CECR2: variants seen among roughly 807,000 people sequenced by gnomAD.
The protein encoded by CECR2 is CECR2 histone acetyl-lysine reader.
A neutral mutation model predicts 154.5 loss-of-function variants in CECR2; 30 were observed. That is an observed-to-expected ratio of 0.19 (90% CI 0.15 to 0.26). The LOEUF (loss-of-function observed/expected upper bound fraction) is 0.26, where lower values mean the gene tolerates loss of function less well. Among genes scored for constraint, CECR2 ranks in the 10% least tolerant of loss-of-function variants. CECR2 has a pLI of 1.00. For synonymous variants in CECR2, 725 were observed against 683.7 expected (o/e 1.06, Z -0.94); for missense variants, 1,743 against 1,829.3 (o/e 0.95, Z 0.86).
intron 1 of CECR2, among the ~76,000 whole-genome samples, chr22:17,475,185 G>A (rs2055188910): frequency 6.6e-6 from 1 of 152,200 alleles, no homozygotes; most frequent in Admixed American, 6.5e-5. Context: ...AAGAACTGCA[G>A]TACAGTTCAG....
chr22:17,437,224 A>G (rs2054519591), intron 1 of CECR2, among the ~76,000 whole-genome samples: 1 of 151,984 alleles, frequency 6.6e-6, no homozygotes, highest in Non-Finnish European at 1.5e-5. Context: ...CTCCTAAATT[A>G]GATACATTCC....
At chr22:17,537,887 G>T (rs919744961) in intron 10 of CECR2, among the ~76,000 whole-genome samples, 1 of 151,952 alleles carries the variant, frequency 6.6e-6, no homozygotes, top group East Asian at 1.9e-4. Context: ...CCAGCTACTC[G>T]GGAGGCTGAG....
Position 17,524,099 on chromosome 22 carries a change from G to C in CECR2, c.955-19G>C, listed in dbSNP as rs1341210199. On this transcript the variant is annotated intron_variant, in intron 8 of 18. Transcript: ENST00000262608. ...GCATGATTGTGTACTGACCGGATGT[G>C]CTCATTGGCTCCTCACAGGAGACTC... 6.4e-7 allele frequency: 1 copy of C among 1,563,634 alleles called. No homozygotes were observed. Among genetic ancestry groups the C allele is most frequent in the African/African-American group, 1.4e-5 (1 of 73,718 alleles).
At chr22:17,442,799 G>A (rs901954647) in intron 1 of CECR2, among the ~76,000 whole-genome samples, 3 of 151,878 alleles carry the variant, frequency 2.0e-5, no homozygotes, top group Non-Finnish European at 4.4e-5. Flanking sequence ...CACCCTCCTC[G>A]GCCTCCCAAA....
intron 17 of CECR2, 72 bp downstream of exon 17, chr22:17,549,636 A>T: frequency 5.3e-6 from 7 of 1,310,688 alleles, no homozygotes; most frequent in Non-Finnish European, 7.3e-6. Flanking sequence ...TTTTTGAGAC[A>T]GAGTCTCACT....
chr22:17,486,574 G>A (rs920362734), intron 2 of CECR2, among the ~76,000 whole-genome samples: 12 of 152,198 alleles, frequency 7.9e-5, no homozygotes, highest in African/African-American at 2.4e-4. Flanking sequence ...GTGGCCTTGA[G>A]GAGCTGAGGG....
chr22:17,468,301 C>A (rs1044645477), intron 1 of CECR2, among the ~76,000 whole-genome samples: 6 of 152,150 alleles, frequency 3.9e-5, no homozygotes, highest in African/African-American at 1.4e-4. Flanking sequence ...TCCCTGCCCC[C>A]TCATTTCTGT....
intron 1 of CECR2, among the ~76,000 whole-genome samples, chr22:17,423,481 T>A (rs2054287078): frequency 6.7e-6 from 1 of 149,530 alleles, no homozygotes; most frequent in African/African-American, 2.5e-5. Flanking sequence ...CACTCCAGCC[T>A]GGGCGACTGA....
At chr22:17,526,533 G>A (rs768792353) in intron 9 of CECR2, among the ~76,000 whole-genome samples, 29 of 152,112 alleles carry the variant, frequency 1.9e-4, no homozygotes, top group African/African-American at 3.4e-4. Flanking sequence ...ATCTAAGGCC[G>A]GGCGTGACGA....
rs1048206486 is a variant in CECR2, at chr22:17,549,789, T to G, written c.4277+225T>G. ...CACACCCAGCTAACTTTTTGGTTTT[T>G]TTTTTTTTTTTTTTTTGGTGGAGGT... On this transcript the variant is annotated intron_variant, in intron 17 of 18. Transcript: ENST00000262608. Among the ~76,000 whole-genome samples the G allele has an allele frequency of 5.9e-4, 77 of 130,898 alleles. 2 individuals carry two copies. In the South Asian group the frequency reaches 7.2e-3, roughly 12 times the overall value. 85.9% of individuals were successfully genotyped at this position (130,898 alleles called of 152,430 possible).
At chr22:17,462,160 T>C (rs1217801858) in intron 1 of CECR2, among the ~76,000 whole-genome samples, 1 of 151,410 alleles carries the variant, frequency 6.6e-6, no homozygotes, top group Admixed American at 6.6e-5. Flanking sequence ...ATCCCAGCAT[T>C]TTGGGAGGCC....
intron 1 of CECR2, among the ~76,000 whole-genome samples, chr22:17,462,348 G>A (rs991758845): frequency 2.0e-5 from 3 of 151,674 alleles, no homozygotes; most frequent in Admixed American, 6.6e-5. Flanking sequence ...GCAACTGAGC[G>A]AGACTCCATC....
rs573687701 is a variant in CECR2 at position 17,540,796 on chromosome 22, A to G, written c.1880A>G (p.Gln627Arg). The G allele has an allele frequency of 2.1e-5, 33 of 1,569,034 alleles. No homozygotes were observed. The East Asian group carries it at 6.8e-4, about 32-fold the overall frequency. Residue 627 changes from glutamine to arginine, a missense_variant, in exon 14 of 19, where the codon CAG becomes CGG. This residue lies in a region of CECR2 where 1,250 missense variants were observed against 1,192.1 expected (regional missense o/e 1.05). Coordinates refer to ENST00000262608, the MANE Select transcript of CECR2 (RefSeq NM_001290047.2). Reference protein sequence around the residue: ...GTPSQAPFLNQMRPAVPGTFG... With the variant: ...GTPSQAPFLNRMRPAVPGTFG... ...CCCAGCCAGGCACCCTTTTTAAACCAGATGGTAAGGAATAGAGTGGAGACT... is the reference window on the plus strand; with the variant it reads ...CCCAGCCAGGCACCCTTTTTAAACCGGATGGTAAGGAATAGAGTGGAGACT...
chr22:17,474,593 C>G lies in CECR2; in HGVS notation c.127-2995C>G, dbSNP rs151176043. 4.1e-3 allele frequency among the ~76,000 whole-genome samples: 632 copies of G among 152,328 alleles called. 5 individuals are homozygous for G. The highest frequency in any genetic ancestry group is 0.015 in the African/African-American group (615 of 41,580). On this transcript the variant is annotated intron_variant, in intron 1 of 18. Transcript: ENST00000262608. ...TCTTGCCTCCTTGGAGGATAGTATT[C>G]TAGCTAGAACCTAGGCAGCGCTGGT...
intron 1 of CECR2, among the ~76,000 whole-genome samples, chr22:17,398,381 A>G (rs2053845225): frequency 6.6e-6 from 1 of 152,160 alleles, no homozygotes; most frequent in South Asian, 2.1e-4. Context: ...GGTGATGAGT[A>G]TGTGAGGTCG....
Position 17,538,544 on chromosome 22 carries a change from T to A in CECR2, c.1263T>A (p.Thr421=), listed in dbSNP as rs781771181. Reference sequence around the variant, plus strand: ...GCTTTGAGTTGGATGATGATTTCACTGCTATGTATAAAGGTTAGTTCCCAT... The same window carrying A: ...GCTTTGAGTTGGATGATGATTTCACAGCTATGTATAAAGGTTAGTTCCCAT... ...KDLFELDDDF[T]AMYKVLDVVK... Residue 421 remains threonine, a synonymous_variant, in exon 11 of 19, where the codon ACT becomes ACA. Coordinates refer to ENST00000262608, the MANE Select transcript of CECR2 (RefSeq NM_001290047.2). 4 of 1,613,910 alleles carry A rather than the reference T, an allele frequency of 2.5e-6. No individual in the cohort carries two copies. In the South Asian group the frequency reaches 4.4e-5, roughly 18 times the overall value.
At chr22:17,423,801 T>C (rs142792414) in intron 1 of CECR2, among the ~76,000 whole-genome samples, 330 of 152,328 alleles carry the variant, frequency 2.2e-3, no homozygotes, top group African/African-American at 7.5e-3. Context: ...TGGGGCACTG[T>C]GATTTGCCTT....
At chr22:17,397,294 C>T (rs187425701) in intron 1 of CECR2, among the ~76,000 whole-genome samples, 23 of 152,098 alleles carry the variant, frequency 1.5e-4, no homozygotes, top group African/African-American at 5.3e-4. Flanking sequence ...CACACACCAC[C>T]ACACCTGGCT....
intron 10 of CECR2, among the ~76,000 whole-genome samples, 171 bp downstream of exon 10, chr22:17,537,403 T>C (rs2147010396): frequency 6.6e-6 from 1 of 152,332 alleles, no homozygotes; most frequent in African/African-American, 2.4e-5. Flanking sequence ...TACCCTGGCC[T>C]CTGACACTCT....
Sources: gnomAD v4.1 joint callset for allele counts (sites outside exome capture counted in the v4.1 genomes callset) on GRCh38, gnomAD v4.1.1 for gene constraint, gnomAD v4.1.1 regional missense constraint, MANE v1.5 for transcripts, NCBI Gene and HGNC (gene_info 2026-07-23, HGNC 2026-07-21) for gene names.